ATP6V1A: variants seen among roughly 807,000 people sequenced by gnomAD.
ATP6V1A encodes V-type proton ATPase catalytic subunit A.
Under a neutral mutation model 70.1 loss-of-function variants are expected in ATP6V1A, and 18 were observed. The observed-to-expected ratio is 0.26, with a 90% confidence interval of 0.18 to 0.38. ATP6V1A has a LOEUF of 0.38. Among genes scored for constraint, ATP6V1A ranks in the 10% least tolerant of loss-of-function variants. The pLI is 1.00. For synonymous variants in ATP6V1A, 232 were observed against 253.8 expected (o/e 0.91, Z 0.82); for missense variants, 424 against 772.4 (o/e 0.55, Z 5.35).
chr3:113,756,810 G>C (rs1476469364), intron 1 of ATP6V1A, among the ~76,000 whole-genome samples: 3 of 152,194 alleles, frequency 2.0e-5, no homozygotes, highest in Non-Finnish European at 4.4e-5. Flanking sequence ...AATTATGTAA[G>C]AGTGTTCAAA....
At chr3:113,786,207 C>T in intron 5 of ATP6V1A, 25 bp from the exon 6 acceptor site, 2 of 1,580,200 alleles carry the variant, frequency 1.3e-6, no homozygotes, top group South Asian at 1.2e-5. Flanking sequence ...TTTGACCATA[C>T]TAAAATCCTA....
At chr3:113,784,921 T>C in intron 5 of ATP6V1A, 88 bp downstream of exon 5, 1 of 1,349,778 alleles carries the variant, frequency 7.4e-7, no homozygotes, top group Non-Finnish European at 1.0e-6. Context: ...AATTAAAGAA[T>C]TGATATTTAA....
In ATP6V1A at chr3:113,771,245, A is replaced by T. The variant is rs577357197; in HGVS notation, c.-13-7496A>T. ...TTCAATGATGAAGCAGAAGATTTTA[A>T]TGGGATATTTTTAACTATTCACAGA... is the stretch of plus-strand genomic sequence containing the variant. On this transcript the variant is annotated intron_variant, in intron 1 of 14. Coordinates refer to ENST00000273398, the MANE Select transcript of ATP6V1A (RefSeq NM_001690.4). Among the ~76,000 whole-genome samples, 14 of 152,264 alleles carry T rather than the reference A, an allele frequency of 9.2e-5. 2 individuals carry two copies. The highest frequency in any genetic ancestry group is 3.4e-4 in the African/African-American group (14 of 41,562).
Position 113,784,809 on chromosome 3 carries a change from T to C in ATP6V1A, c.540T>C (p.Ala180=). The change falls in exon 5 of 15, where the codon GCT becomes GCC. Residue 180 remains alanine, a synonymous_variant. Coordinates refer to ENST00000273398, the MANE Select transcript of ATP6V1A (RefSeq NM_001690.4). ...ACAGAGGAACTGTAACTTACATTGC[T>C]CCACCTGGGAATTATGATACCTCTG... ...PRNRGTVTYI[A]PPGNYDTSDV... is the part of the protein sequence containing the mutation. The C allele has an allele frequency of 2.5e-6, 4 of 1,614,084 alleles. No individual in the cohort carries two copies. The highest frequency in any genetic ancestry group is 1.3e-5 in the African/African-American group (1 of 75,048).
At chr3:113,776,632 A>C (rs1371428461) in intron 1 of ATP6V1A, among the ~76,000 whole-genome samples, 1 of 152,182 alleles carries the variant, frequency 6.6e-6, no homozygotes, top group Non-Finnish European at 1.5e-5. Flanking sequence ...TGCCTCCCCT[A>C]CTTTAATTCT....
intron 1 of ATP6V1A, among the ~76,000 whole-genome samples, chr3:113,773,516 A>G (rs960372888): frequency 3.3e-5 from 5 of 152,174 alleles, no homozygotes; most frequent in African/African-American, 9.7e-5. Context: ...TGCTAAACCC[A>G]CAAGACTGCT....
chr3:113,811,849 A>C lies in ATP6V1A; in HGVS notation c.*2422A>C, dbSNP rs979879606. 6.6e-6 allele frequency: 1 copy of C among 152,570 alleles called. No homozygotes were observed. The highest frequency in any genetic ancestry group is 1.5e-5 in the Non-Finnish European group (1 of 68,018). 9.5% of individuals were successfully genotyped at this position (152,570 alleles called of 1,614,324 possible). On this transcript the variant is annotated 3_prime_UTR_variant, in exon 15 of 15. Coordinates refer to ENST00000273398, the MANE Select transcript of ATP6V1A (RefSeq NM_001690.4). Reference sequence around the variant, plus strand: ...TATTTATTGTGCTGTGTCTGGTCCTAAGTGGAGCCAATTAAACAAGTTTCA... The same window carrying C: ...TATTTATTGTGCTGTGTCTGGTCCTCAGTGGAGCCAATTAAACAAGTTTCA...
chr3:113,762,958 G>T (rs1708722548), intron 1 of ATP6V1A, among the ~76,000 whole-genome samples: 2 of 152,036 alleles, frequency 1.3e-5, no homozygotes, highest in East Asian at 1.9e-4. Flanking sequence ...ATCTTTAAGG[G>T]CGTGGTTGCA....
intron 12 of ATP6V1A, among the ~76,000 whole-genome samples, chr3:113,800,816 G>C (rs187494759): frequency 1.3e-5 from 2 of 152,230 alleles, no homozygotes; most frequent in Admixed American, 6.5e-5. Flanking sequence ...CCTGGTTAAA[G>C]GTAACAGACC....
intron 1 of ATP6V1A, among the ~76,000 whole-genome samples, chr3:113,772,193 C>T (rs1708849563): frequency 6.6e-6 from 1 of 152,174 alleles, no homozygotes; most frequent in Non-Finnish European, 1.5e-5. Flanking sequence ...GTGCACACTG[C>T]CCTGCAAGTG....
Position 113,784,388 on chromosome 3 carries a change from G to A in ATP6V1A, c.376G>A (p.Ala126Thr). 9 of 1,614,152 alleles carry A rather than the reference G, an allele frequency of 5.6e-6. No individual in the cohort carries two copies. Among genetic ancestry groups the A allele is most frequent in the Non-Finnish European group, 7.6e-6 (9 of 1,180,004 alleles). Residue 126 changes from alanine to threonine, a missense_variant, in exon 4 of 15, where the codon GCT (alanine) becomes ACT (threonine). By Grantham distance (58) the Ala-to-Thr change is moderately conservative. Transcript: ENST00000273398. ...IYIPRGVNVS[A>T]LSRDIKWDFT... Reference sequence around the variant, plus strand: ...CATCCCCAGAGGAGTAAACGTGTCTGCTCTTAGCAGAGATATCAAATGGGA... The same window carrying A: ...CATCCCCAGAGGAGTAAACGTGTCTACTCTTAGCAGAGATATCAAATGGGA...
intron 3 of ATP6V1A, among the ~76,000 whole-genome samples, chr3:113,782,615 G>T (rs559182303): frequency 3.0e-4 from 39 of 127,928 alleles, no homozygotes; most frequent in African/African-American, 9.9e-4. Context: ...TATATATATG[G>T]TTTTTTTGTT....
intron 1 of ATP6V1A, among the ~76,000 whole-genome samples, chr3:113,752,520 A>G (rs1349632255): frequency 1.3e-5 from 2 of 152,048 alleles, no homozygotes; most frequent in African/African-American, 4.8e-5. Context: ...TTAATTTGAT[A>G]TGGAAAATTA....
At chr3:113,780,816 A>C (rs1708969368) in intron 2 of ATP6V1A, 3 of 1,344,660 alleles carry the variant, frequency 2.2e-6, no homozygotes, top group Middle Eastern at 2.0e-4. Flanking sequence ...GAAATGTTTG[A>C]AAAGTTTTCA....
At chr3:113,809,241 C>G in intron 14 of ATP6V1A, 94 bp from the exon 15 acceptor site, 3 of 1,025,674 alleles carry the variant, frequency 2.9e-6, no homozygotes, top group South Asian at 1.5e-5. Flanking sequence ...GGTGACAGAG[C>G]AAGACTCTGC....
chr3:113,785,732 G>A (rs1254882733), intron 5 of ATP6V1A, among the ~76,000 whole-genome samples: 2 of 150,146 alleles, frequency 1.3e-5, no homozygotes, highest in African/African-American at 4.9e-5. Flanking sequence ...GCAGTGGCGC[G>A]ATCTCGGCTC....
intron 1 of ATP6V1A, among the ~76,000 whole-genome samples, chr3:113,770,059 T>G (rs983959720): frequency 6.6e-6 from 1 of 151,616 alleles, no homozygotes; most frequent in Non-Finnish European, 1.5e-5. Flanking sequence ...ATTTATTTAT[T>G]TATTTATTTT....
intron 13 of ATP6V1A, among the ~76,000 whole-genome samples, chr3:113,804,024 G>A (rs1709249226): frequency 1.3e-5 from 2 of 152,064 alleles, no homozygotes; most frequent in South Asian, 4.1e-4. Context: ...TTGAGACAGG[G>A]TCTCACTCTG....
chr3:113,784,137 G>A, intron 3 of ATP6V1A, 87 bp from the exon 4 acceptor site: 2 of 1,276,386 alleles, frequency 1.6e-6, no homozygotes, highest in Non-Finnish European at 2.2e-6. Flanking sequence ...CACTTCTTGA[G>A]TGGCATTTCC....
Sources: gnomAD v4.1 joint callset for allele counts (sites outside exome capture counted in the v4.1 genomes callset) on GRCh38, gnomAD v4.1.1 for gene constraint, MANE v1.5 for transcripts, NCBI Gene and HGNC (gene_info 2026-07-23, HGNC 2026-07-21) for gene names.